The following UBE2D2 variants were observed in gnomAD, a reference collection of about 807,000 sequenced individuals.
UBE2D2 encodes ubiquitin conjugating enzyme E2 D2, also known as ubiquitin-conjugating enzyme E2 D2.
Under a neutral mutation model 24.2 loss-of-function variants are expected in UBE2D2, and 2 were observed. The ratio of observed to expected loss-of-function variants is 0.08; its 90% CI spans 0.03 to 0.26. The LOEUF (loss-of-function observed/expected upper bound fraction) is 0.26. Ranked by LOEUF, UBE2D2 falls within the 10% of genes least tolerant of loss-of-function variation. The pLI, the probability that UBE2D2 is intolerant of heterozygous loss-of-function variation, is 1.00. For synonymous variants in UBE2D2, 58 were observed against 56.5 expected (o/e 1.03, Z -0.12); for missense variants, 44 against 177.6 (o/e 0.25, Z 4.28).
At chr5:139,589,696 A>G (rs1753802948) in intron 1 of UBE2D2, among the ~76,000 whole-genome samples, 1 of 152,366 alleles carries the variant, frequency 6.6e-6, no homozygotes. Context: ...AAACATCTCA[A>G]TAAATAGCAA....
At chr5:139,568,386 G>A (rs971024185) in intron 1 of UBE2D2, among the ~76,000 whole-genome samples, 14 of 151,960 alleles carry the variant, frequency 9.2e-5, no homozygotes, top group African/African-American at 2.4e-4. Flanking sequence ...CGGGCTGGGC[G>A]CTGTGGCTCA....
At chr5:139,531,298 A>G (rs10056360) in intron 1 of UBE2D2, among the ~76,000 whole-genome samples, 1 of 152,196 alleles carries the variant, frequency 6.6e-6, no homozygotes, top group Non-Finnish European at 1.5e-5. Context: ...GCCATTGTAT[A>G]GAAGAACATT....
chr5:139,553,425 G>A (rs1430640875), intron 1 of UBE2D2, among the ~76,000 whole-genome samples: 1 of 152,128 alleles, frequency 6.6e-6, no homozygotes, highest in Admixed American at 6.6e-5. Flanking sequence ...TGAGACTGTT[G>A]TCCTTATCAT....
chr5:139,591,400 A>T (rs1035711807), intron 1 of UBE2D2, among the ~76,000 whole-genome samples: 1 of 151,988 alleles, frequency 6.6e-6, no homozygotes, highest in African/African-American at 2.4e-5. Flanking sequence ...GATTACAGGC[A>T]TGAGCCACCG....
At chr5:139,532,988 A>G (rs1446429383) in intron 1 of UBE2D2, among the ~76,000 whole-genome samples, 2 of 151,730 alleles carry the variant, frequency 1.3e-5, no homozygotes, top group Non-Finnish European at 2.9e-5. Context: ...CTTGCCTGTT[A>G]TCCCAGCTAC....
At chr5:139,546,987 G>A (rs1050844725) in intron 1 of UBE2D2, among the ~76,000 whole-genome samples, 23 of 151,058 alleles carry the variant, frequency 1.5e-4, no homozygotes, top group African/African-American at 5.6e-4. Flanking sequence ...TCCTTCTCCC[G>A]GCTTCAAGAG....
intron 2 of UBE2D2, chr5:139,612,489 A>G (rs1754344791): frequency 6.6e-6 from 1 of 152,268 alleles, no homozygotes; most frequent in Non-Finnish European, 1.5e-5. Context: ...GCCTGAGAAC[A>G]CTTAAAAGCA....
chr5:139,530,929 T>A (rs1752590059), intron 1 of UBE2D2, among the ~76,000 whole-genome samples: 1 of 152,196 alleles, frequency 6.6e-6, no homozygotes. Flanking sequence ...TTTCTCCAAA[T>A]GATAAAAAAC....
intron 1 of UBE2D2, among the ~76,000 whole-genome samples, chr5:139,554,178 C>T (rs532176021): frequency 5.9e-5 from 9 of 152,152 alleles, no homozygotes; most frequent in Admixed American, 5.2e-4. Flanking sequence ...TCCTTGATCG[C>T]ATTTTTTTTT....
intron 1 of UBE2D2, among the ~76,000 whole-genome samples, chr5:139,597,326 C>G (rs550396324): frequency 3.3e-4 from 50 of 152,258 alleles, no homozygotes; most frequent in African/African-American, 1.2e-3. Context: ...ATCATGTAGC[C>G]TTATGTCTGG....
intron 1 of UBE2D2, among the ~76,000 whole-genome samples, chr5:139,588,706 A>G (rs543133243): frequency 6.6e-6 from 1 of 152,334 alleles, no homozygotes; most frequent in Non-Finnish European, 1.5e-5. Context: ...ATATTTGATC[A>G]CTACTGGAAG....
chr5:139,533,472 C>T (rs1752624127), intron 1 of UBE2D2, among the ~76,000 whole-genome samples: 1 of 151,666 alleles, frequency 6.6e-6, no homozygotes, highest in African/African-American at 2.4e-5. Flanking sequence ...GCCAACATGG[C>T]AAGTTCCTGT....
chr5:139,555,319 G>A (rs1369481765), intron 1 of UBE2D2, among the ~76,000 whole-genome samples: 3 of 152,076 alleles, frequency 2.0e-5, no homozygotes, highest in African/African-American at 7.2e-5. Context: ...GGGATTAAAG[G>A]TGTGAGTCAC....
At chr5:139,600,203 T>A (rs1754042920) in intron 1 of UBE2D2, 169 bp from the exon 2 acceptor site, 2 of 781,750 alleles carry the variant, frequency 2.6e-6, no homozygotes, top group Non-Finnish European at 4.3e-6. Context: ...CCTTGAAGAA[T>A]CCAAAATACC....
intron 1 of UBE2D2, among the ~76,000 whole-genome samples, chr5:139,544,577 A>C (rs944400616): frequency 5.3e-5 from 8 of 151,648 alleles, no homozygotes. Flanking sequence ...GGCGTGAGCC[A>C]CTGCGCCCTG....
At chr5:139,552,210 T>C (rs1752928699) in intron 1 of UBE2D2, among the ~76,000 whole-genome samples, 2 of 151,528 alleles carry the variant, frequency 1.3e-5, no homozygotes, top group Admixed American at 1.3e-4. Context: ...TTGCCCAGAC[T>C]GGAGTATAGT....
chr5:139,585,627 A>G (rs1391481336), intron 1 of UBE2D2, among the ~76,000 whole-genome samples: 2 of 152,028 alleles, frequency 1.3e-5, no homozygotes, highest in African/African-American at 4.8e-5. Flanking sequence ...TTTGAGCACT[A>G]ATTCTGGTTG....
chr5:139,613,414 T>C (rs957624657), intron 2 of UBE2D2, among the ~76,000 whole-genome samples: 1 of 152,210 alleles, frequency 6.6e-6, no homozygotes, highest in Non-Finnish European at 1.5e-5. Flanking sequence ...TAATTATAAG[T>C]AAAAACTCTG....
At chr5:139,583,038 G>C (rs373290017) in intron 1 of UBE2D2, among the ~76,000 whole-genome samples, 1 of 150,542 alleles carries the variant, frequency 6.6e-6, no homozygotes, top group South Asian at 2.1e-4. Context: ...GCAATGGCAC[G>C]ATCTTGGCTC....
Sources: gnomAD v4.1 joint callset for allele counts (sites outside exome capture counted in the v4.1 genomes callset) on GRCh38, gnomAD v4.1.1 for gene constraint, MANE v1.5 for transcripts, NCBI Gene and HGNC (gene_info 2026-07-23, HGNC 2026-07-21) for gene names.